TBCD: variants seen among roughly 807,000 people sequenced by gnomAD.
The protein encoded by TBCD is tubulin folding cofactor D, also known as tubulin-specific chaperone D.
In TBCD, 105 loss-of-function variants were observed where a neutral mutation model predicts 169.3. That is an observed-to-expected ratio of 0.62 (90% CI 0.53 to 0.73). The LOEUF (loss-of-function observed/expected upper bound fraction) is 0.73, where lower values mean the gene tolerates loss of function less well. TBCD is among the 30% of genes least tolerant of loss of function. The pLI, the probability that TBCD is intolerant of heterozygous loss-of-function variation, is 0.00. For missense variants in TBCD, 1,444 were observed against 1,600.1 expected, an observed-to-expected ratio of 0.90 and a Z score of 1.66; for synonymous variants, 700 against 643.9, an observed-to-expected ratio of 1.09 and a Z score of -1.32.
At chr17:82,855,381 C>A (rs935435469) in intron 13 of TBCD, among the ~76,000 whole-genome samples, 1 of 151,594 alleles carries the variant, frequency 6.6e-6, no homozygotes, top group Non-Finnish European at 1.5e-5. Flanking sequence ...CCTTCCACCT[C>A]AGCCTCCCAA....
chr17:82,939,513 T>C, intron 37 of TBCD, 37 bp downstream of exon 37: 1 of 1,519,638 alleles, frequency 6.6e-7, no homozygotes, highest in Non-Finnish European at 9.1e-7. Flanking sequence ...CACCTGGGCC[T>C]GGCACCGCCC....
At position 82,838,773 on chromosome 17, in the gene TBCD, A is replaced by G. The variant is rs1000968951; in HGVS notation, c.1318+23839A>G. The G allele has an allele frequency of 5.1e-6, 5 of 985,328 alleles. No homozygotes were observed. In the African/African-American group the frequency reaches 8.7e-5, roughly 17 times the overall value. The allele number at this position is 985,328 out of a possible 1,614,324, so 61.0% of individuals were successfully genotyped here. On this transcript the variant is annotated intron_variant, in intron 13 of 38. Transcript: ENST00000355528. ...ATGTAATTTGGAAGAATGGATCCAG[A>G]AAAACAACCAGGGGCTCTTAACTCT...
Position 82,874,747 on chromosome 17 carries a change from C to T in TBCD, c.1475+4367C>T, listed in dbSNP as rs1429685951. On this transcript the variant is annotated intron_variant, in intron 14 of 38. Coordinates refer to ENST00000355528, the MANE Select transcript of TBCD (RefSeq NM_005993.5). The surrounding 1 kb of genome is among the most constrained non-coding windows in gnomAD (Gnocchi z 5.0). ...GATGCTGCTGGTGCGAGCCTCCCTG[C>T]CCAGGAGCCCTGCGCACCCGGGTAT... is the stretch of plus-strand genomic sequence containing the variant. 1.3e-5 allele frequency among the ~76,000 whole-genome samples: 2 copies of T among 152,210 alleles called. No homozygotes were observed. The highest frequency in any genetic ancestry group is 4.8e-5 in the African/African-American group (2 of 41,450).
At chr17:82,796,817 T>G (rs918629770) in intron 7 of TBCD, among the ~76,000 whole-genome samples, 1 of 152,238 alleles carries the variant, frequency 6.6e-6, no homozygotes, top group African/African-American at 2.4e-5. Context: ...TCAGGCAGTT[T>G]ACAGGGTTCA....
At chr17:82,752,630 G>T (rs1401290086) in intron 1 of TBCD, among the ~76,000 whole-genome samples, 2 of 152,114 alleles carry the variant, frequency 1.3e-5, no homozygotes. Flanking sequence ...GCCTGCTCTC[G>T]CACGGGGTGA....
intron 13 of TBCD, among the ~76,000 whole-genome samples, chr17:82,851,784 G>T (rs920000456): frequency 5.3e-5 from 8 of 152,212 alleles, no homozygotes; most frequent in African/African-American, 1.9e-4. Context: ...GGGAGCCCTC[G>T]TGCAGCCACC....
chr17:82,770,337 C>T (rs372285729), intron 5 of TBCD, among the ~76,000 whole-genome samples: 4 of 152,250 alleles, frequency 2.6e-5, no homozygotes, highest in South Asian at 2.1e-4. Flanking sequence ...CGGTGGCTCA[C>T]GCCTGTAATC....
chr17:82,886,579 T>A (rs2058718240), intron 15 of TBCD, among the ~76,000 whole-genome samples: 1 of 149,318 alleles, frequency 6.7e-6, no homozygotes, highest in Non-Finnish European at 1.5e-5. Context: ...ATACATAGTG[T>A]CTGACCTCTA....
At chr17:82,878,385 C>A (rs949166493) in intron 14 of TBCD, among the ~76,000 whole-genome samples, 3 of 152,256 alleles carry the variant, frequency 2.0e-5, no homozygotes, top group Non-Finnish European at 4.4e-5. Context: ...GCCATGTGCA[C>A]CAGGTCCCGT....
At position 82,833,962 on chromosome 17, in the gene TBCD, G is replaced by A. The variant is rs578100443; in HGVS notation, c.1318+19028G>A. 1.4e-4 allele frequency among the ~76,000 whole-genome samples: 19 copies of A among 139,532 alleles called. No individual in the cohort carries two copies. Among genetic ancestry groups the A allele is most frequent in the African/African-American group, 4.8e-4 (19 of 39,450 alleles). The allele number at this position is 139,532 out of a possible 152,430, so 91.5% of individuals were successfully genotyped here. On this transcript the variant is annotated intron_variant, in intron 13 of 38. Coordinates refer to ENST00000355528, the MANE Select transcript of TBCD (RefSeq NM_005993.5). This position sits in a 1 kb window ranked among gnomAD's most constrained non-coding sequence, Gnocchi z 4.7. ...GAACAAAGGCTGTTTTTCTTTTTTT[G>A]AGACAGAGTTTCTCCCTTGTTGCCC...
At chr17:82,762,901 T>C (rs929988942) in intron 2 of TBCD, among the ~76,000 whole-genome samples, 7 of 152,002 alleles carry the variant, frequency 4.6e-5, no homozygotes, top group Non-Finnish European at 7.4e-5. Context: ...TTTCAGGGAG[T>C]GTATCTCGTT....
At chr17:82,799,257 A>G (rs1480088620) in intron 8 of TBCD, among the ~76,000 whole-genome samples, 1 of 151,990 alleles carries the variant, frequency 6.6e-6, no homozygotes, top group Non-Finnish European at 1.5e-5. Flanking sequence ...AGCCTGGCCA[A>G]CATAGTGAAA....
intron 13 of TBCD, among the ~76,000 whole-genome samples, chr17:82,822,987 C>T (rs1209171219): frequency 6.6e-6 from 1 of 152,176 alleles, no homozygotes. Context: ...TGGAAACCCG[C>T]AGAGGCTCCT....
rs537464440 is a variant in TBCD at position 82,874,470 on chromosome 17, G to A, written c.1475+4090G>A. On this transcript the variant is annotated intron_variant, in intron 14 of 38. Coordinates refer to ENST00000355528, the MANE Select transcript of TBCD (RefSeq NM_005993.5). The surrounding 1 kb of genome is among the most constrained non-coding windows in gnomAD (Gnocchi z 5.0). ...CGCACACCGAGCCAGCAGCTGCTGG[G>A]GCCTCAGGGCTCGCAGCTCACAGGC... 1.3e-5 allele frequency among the ~76,000 whole-genome samples: 2 copies of A among 151,992 alleles called. No individual in the cohort carries two copies. The highest frequency in any genetic ancestry group is 2.9e-5 in the Non-Finnish European group (2 of 67,978).
In TBCD at chr17:82,922,092, T is replaced by G. The variant is rs377643703; in HGVS notation, c.2178+515T>G. ...GACTCACAGAGCTGTAACGCTGATC[T>G]CATTGCATAGATAAGAAACCATGGG... On this transcript the variant is annotated intron_variant, in intron 25 of 38. Coordinates refer to ENST00000355528, the MANE Select transcript of TBCD (RefSeq NM_005993.5). This position sits in a 1 kb window ranked among gnomAD's most constrained non-coding sequence, Gnocchi z 4.1. Among the ~76,000 whole-genome samples the G allele has an allele frequency of 9.9e-5, 15 of 152,250 alleles. 1 individual carries two copies. In the South Asian group the frequency reaches 2.3e-3, roughly 23 times the overall value.
At chr17:82,865,532 T>C in intron 13 of TBCD, 1 of 985,448 alleles carries the variant, frequency 1.0e-6, no homozygotes, top group Non-Finnish European at 1.2e-6. Flanking sequence ...GGGCTGTCTG[T>C]GCCGCGGGGG....
At chr17:82,784,318 G>A (rs1230608052) in intron 7 of TBCD, among the ~76,000 whole-genome samples, 19 of 152,136 alleles carry the variant, frequency 1.2e-4, no homozygotes, top group Admixed American at 1.2e-3. Flanking sequence ...GCATTTTTGG[G>A]CATTGCAGGT....
chr17:82,907,670 T>C, intron 20 of TBCD, 91 bp from the exon 21 acceptor site: 1 of 1,412,972 alleles, frequency 7.1e-7, no homozygotes, highest in Non-Finnish European at 9.9e-7. Flanking sequence ...GGGGTTAGGG[T>C]CTTGGGGAGT....
rs369131689 is a variant in TBCD at position 82,905,045 on chromosome 17, G to A, written c.1805-891G>A. Among the ~76,000 whole-genome samples, 71 of 152,348 alleles carry A rather than the reference G, an allele frequency of 4.7e-4. 1 individual carries two copies. The highest frequency in any genetic ancestry group is 3.1e-3 in the South Asian group (15 of 4,830). On this transcript the variant is annotated intron_variant, in intron 19 of 38. Transcript: ENST00000355528. Reference sequence around the variant, plus strand: ...ACTTGGGGAGGCTTAGGCTCGGGGAGCTTGGTTTCCCCACGCAGGTGTGGC... The same window carrying A: ...ACTTGGGGAGGCTTAGGCTCGGGGAACTTGGTTTCCCCACGCAGGTGTGGC...
Sources: gnomAD v4.1 joint callset for allele counts (sites outside exome capture counted in the v4.1 genomes callset) on GRCh38, gnomAD v4.1.1 for gene constraint, Gnocchi (gnomAD v3.1) non-coding constraint, MANE v1.5 for transcripts, NCBI Gene and HGNC (gene_info 2026-07-23, HGNC 2026-07-21) for gene names.